TLK2: variants seen among roughly 807,000 people sequenced by gnomAD.
TLK2 encodes tousled like kinase 2, also known as serine/threonine-protein kinase tousled-like 2.
In TLK2, 6 loss-of-function variants were observed where a neutral mutation model predicts 117.3. The ratio of observed to expected loss-of-function variants is 0.05; its 90% CI spans 0.03 to 0.10. The LOEUF (loss-of-function observed/expected upper bound fraction) is 0.10. Among genes scored for constraint, TLK2 ranks in the 10% least tolerant of loss-of-function variants. The pLI, the probability that TLK2 is intolerant of heterozygous loss-of-function variation, is 1.00. For synonymous variants in TLK2, 257 were observed against 316.7 expected (o/e 0.81, Z 2.00); for missense variants, 299 against 901.2 (o/e 0.33, Z 8.56).
At chr17:62,611,741 A>T (rs189458994) in intron 21 of TLK2, among the ~76,000 whole-genome samples, 186 of 152,386 alleles carry the variant, frequency 1.2e-3, no homozygotes, top group African/African-American at 4.3e-3. Flanking sequence ...GATAATCTAT[A>T]TAAGGGCCTT....
At chr17:62,482,364 G>C (rs1424126848) in intron 2 of TLK2, among the ~76,000 whole-genome samples, 1 of 151,880 alleles carries the variant, frequency 6.6e-6, no homozygotes, top group East Asian at 1.9e-4. Context: ...CTTCTCCAAG[G>C]AGAAGGCGTG....
At chr17:62,505,407 A>AGTTTTTTTTTTTTTTTTT (rs2074590247) in intron 2 of TLK2, among the ~76,000 whole-genome samples, 1 of 53,756 alleles carries the variant, frequency 1.9e-5, no homozygotes, top group African/African-American at 9.3e-5. Flanking sequence ...CCATACCCAG[A>AGTTTTTTTTTTTTTTTTT]TTTTTTTTTT....
intron 7 of TLK2, among the ~76,000 whole-genome samples, chr17:62,546,369 A>T (rs2077939946): frequency 2.8e-4 from 2 of 7,152 alleles, no homozygotes; most frequent in African/African-American, 2.3e-4. Context: ...TTACATAATG[A>T]AAAGGGTTTT....
At chr17:62,495,653 T>TTACA (rs2073578738) in intron 2 of TLK2, among the ~76,000 whole-genome samples, 1 of 137,904 alleles carries the variant, frequency 7.3e-6, no homozygotes, top group South Asian at 2.3e-4. Flanking sequence ...ATTTTAAAAA[T>TTACA]TATATATATA....
upstream of TLK2, among the ~76,000 whole-genome samples, chr17:62,473,979 T>A (rs942318418): frequency 6.6e-6 from 1 of 152,134 alleles, no homozygotes; most frequent in Non-Finnish European, 1.5e-5. Context: ...CACTGCAACC[T>A]CCACCTTCTG....
chr17:62,571,127 C>T (rs1418737325), intron 11 of TLK2, among the ~76,000 whole-genome samples: 2 of 152,148 alleles, frequency 1.3e-5, no homozygotes, highest in African/African-American at 4.8e-5. Context: ...CTTAAGGATT[C>T]TGTGTCTCAA....
chr17:62,495,261 C>A (rs539493887), intron 2 of TLK2, among the ~76,000 whole-genome samples: 1 of 151,774 alleles, frequency 6.6e-6, no homozygotes, highest in Admixed American at 6.6e-5. Context: ...GTCTAGCCCG[C>A]GCAACAGGAG....
intron 19 of TLK2, among the ~76,000 whole-genome samples, chr17:62,604,941 A>T (rs201988111): frequency 4.6e-5 from 7 of 152,178 alleles, no homozygotes; most frequent in African/African-American, 1.7e-4. Context: ...CTTTCCTGCC[A>T]CTGCCATAAA....
intron 2 of TLK2, among the ~76,000 whole-genome samples, chr17:62,484,266 A>G (rs1337654338): frequency 2.0e-5 from 3 of 151,990 alleles, no homozygotes; most frequent in African/African-American, 7.2e-5. Flanking sequence ...TGTAGTTTGC[A>G]GAGCCGGGAA....
rs143763001 is a variant in TLK2 at position 62,612,650 on chromosome 17, G to T, written c.*85G>T. The T allele has an allele frequency of 2.2e-3, 3,026 of 1,358,936 alleles. 6 individuals are homozygous for T. Among genetic ancestry groups the T allele is most frequent in the Non-Finnish European group, 2.8e-3 (2,780 of 993,194 alleles). The allele number at this position is 1,358,936 out of a possible 1,614,324, so 84.2% of individuals were successfully genotyped here. On this transcript the variant is annotated 3_prime_UTR_variant, in exon 22 of 22. Coordinates refer to ENST00000346027, the MANE Select transcript of TLK2 (RefSeq NM_006852.6). Reference sequence around the variant, plus strand: ...AGCGGGTTTGGAACATAGCGAATCCGAATGGATCTGATGAAACCTGTACCA... The same window carrying T: ...AGCGGGTTTGGAACATAGCGAATCCTAATGGATCTGATGAAACCTGTACCA...
chr17:62,502,903 A>T lies in TLK2; in HGVS notation c.82-17870A>T, dbSNP rs554445238. 7.9e-4 allele frequency among the ~76,000 whole-genome samples: 121 copies of T among 152,324 alleles called. 1 individual carries two copies. Among genetic ancestry groups the T allele is most frequent in the African/African-American group, 2.8e-3 (115 of 41,572 alleles). ...AAAGAACATTAATTTGTTCATAAGC[A>T]TGTCTTTATAAACATCTATGTAGTA... On this transcript the variant is annotated intron_variant, in intron 2 of 21. Coordinates refer to ENST00000346027, the MANE Select transcript of TLK2 (RefSeq NM_006852.6).
At chr17:62,540,545 C>T (rs1316889973) in intron 7 of TLK2, among the ~76,000 whole-genome samples, 4 of 150,112 alleles carry the variant, frequency 2.7e-5, no homozygotes, top group Admixed American at 2.0e-4. Context: ...ATTACAGGCG[C>T]GTACCACCAT....
At chr17:62,590,251 G>A (rs941651083) in intron 16 of TLK2, among the ~76,000 whole-genome samples, 1 of 150,950 alleles carries the variant, frequency 6.6e-6, no homozygotes, top group Admixed American at 6.6e-5. Flanking sequence ...GACCAACATG[G>A]TGAAACCCCG....
chr17:62,606,668 C>T (rs905596971), intron 20 of TLK2, among the ~76,000 whole-genome samples: 34 of 152,208 alleles, frequency 2.2e-4, no homozygotes, highest in African/African-American at 6.7e-4. Context: ...TTAATGAAAG[C>T]GTGCTTTATA....
chr17:62,492,814 C>G (rs1395724492), intron 2 of TLK2, among the ~76,000 whole-genome samples: 1 of 152,024 alleles, frequency 6.6e-6, no homozygotes, highest in Admixed American at 6.6e-5. Context: ...TAATAACTCC[C>G]AGGCCAGGCA....
At chr17:62,498,530 C>T (rs2073914693) in intron 2 of TLK2, among the ~76,000 whole-genome samples, 1 of 151,870 alleles carries the variant, frequency 6.6e-6, no homozygotes, top group African/African-American at 2.4e-5. Flanking sequence ...GCTGGGATTA[C>T]AGGTGTGCGC....
chr17:62,570,237 A>C (rs1296193717), intron 11 of TLK2, among the ~76,000 whole-genome samples: 3 of 152,196 alleles, frequency 2.0e-5, no homozygotes, highest in African/African-American at 7.2e-5. Flanking sequence ...ATGGTGCAGA[A>C]GATTGATTGT....
At chr17:62,482,784 T>G (rs533039419) in intron 2 of TLK2, among the ~76,000 whole-genome samples, 2 of 152,264 alleles carry the variant, frequency 1.3e-5, no homozygotes, top group South Asian at 2.1e-4. Context: ...CAACAAATAT[T>G]GAGCACCTGC....
intron 2 of TLK2, among the ~76,000 whole-genome samples, chr17:62,500,032 T>A (rs1468353065): frequency 1.3e-5 from 2 of 152,134 alleles, no homozygotes; most frequent in Non-Finnish European, 2.9e-5. Flanking sequence ...GCAAACCTTT[T>A]ATTACAATGA....
Sources: allele counts gnomAD v4.1 joint callset (sites outside exome capture counted in the v4.1 genomes callset), GRCh38; gene constraint gnomAD v4.1.1; transcripts MANE v1.5; gene names NCBI Gene and HGNC (gene_info 2026-07-23, HGNC 2026-07-21).